EPHA6: variants seen among roughly 807,000 people sequenced by gnomAD.
EPHA6 encodes the protein ephrin type-A receptor 6.
A neutral mutation model predicts 112.0 loss-of-function variants in EPHA6; 50 were observed. The ratio of observed to expected loss-of-function variants is 0.45; its 90% confidence interval spans 0.36 to 0.56. EPHA6 has a LOEUF of 0.56. Ranked by LOEUF, EPHA6 falls within the 20% of genes least tolerant of loss-of-function variation. The probability of loss-of-function intolerance (pLI) is 0.00; values close to 1 mark genes in which losing one functional copy is unlikely to be tolerated. For missense variants in EPHA6, 1,280 were observed against 1,417.4 expected (o/e 0.90, Z 1.56); for synonymous variants, 529 against 490.7 (o/e 1.08, Z -1.03).
rs751425851 is a variant in EPHA6, at chr3:97,640,616, C to CAAA, written c.2784+2546_2784+2548dup. ...AGAAACCCCATCTCTACTAAAAATA[C>CAAA]AAAAAAAAAAAAAATTAGCCAGGCG... On this transcript the variant is annotated intron_variant, in intron 14 of 17. Coordinates refer to ENST00000389672, the MANE Select transcript of EPHA6 (RefSeq NM_001080448.3). Among the ~76,000 whole-genome samples, 18 of 133,984 alleles carry CAAA rather than the reference C, an allele frequency of 1.3e-4. No individual in the cohort carries two copies. The South Asian group carries it at 2.9e-3, about 21-fold the overall frequency. The allele number at this position is 133,984 out of a possible 152,430, so 87.9% of individuals were successfully genotyped here. A position where few individuals can be genotyped will look rare whatever the true frequency, so the allele number is the denominator to read the frequency against.
chr3:96,964,691 A>G (rs868107626), intron 2 of EPHA6, among the ~76,000 whole-genome samples: 29 of 152,292 alleles, frequency 1.9e-4, no homozygotes, highest in African/African-American at 6.5e-4. Context: ...TTACTACAAA[A>G]CATGCTCTGA....
chr3:97,655,654 G>T (rs1352017749), intron 14 of EPHA6, among the ~76,000 whole-genome samples: 3 of 151,080 alleles, frequency 2.0e-5, no homozygotes, highest in African/African-American at 7.3e-5. Flanking sequence ...GTAATGGGAT[G>T]GCTGGGTCAA....
chr3:97,532,881 G>T (rs1682084398), intron 11 of EPHA6, among the ~76,000 whole-genome samples: 1 of 151,784 alleles, frequency 6.6e-6, no homozygotes, highest in Non-Finnish European at 1.5e-5. Context: ...GGGTCATTAA[G>T]GTAAAATATT....
chr3:97,033,397 G>A lies in EPHA6; in HGVS notation c.1114+45404G>A, dbSNP rs142129610. On this transcript the variant is annotated intron_variant, in intron 3 of 17. Transcript: ENST00000389672. ...AGTGGTATAGGTGAGAAGCTGGTCA[G>A]TCGGTCAGCACGAGTAAAGAATGAA... Among the ~76,000 whole-genome samples the A allele has an allele frequency of 1.8e-4, 28 of 152,068 alleles. 1 individual carries two copies. Among genetic ancestry groups the A allele is most frequent in the African/African-American group, 6.7e-4 (28 of 41,528 alleles).
intron 3 of EPHA6, among the ~76,000 whole-genome samples, chr3:97,086,705 AATAG>A (rs1311502096): frequency 2.0e-5 from 3 of 152,124 alleles, no homozygotes; most frequent in Non-Finnish European, 2.9e-5. Context: ...TAAATGTTAA[AATAG>A]ATATTTACAT....
intron 2 of EPHA6, among the ~76,000 whole-genome samples, chr3:96,936,522 T>C (rs1040365447): frequency 6.6e-6 from 1 of 151,920 alleles, no homozygotes; most frequent in African/African-American, 2.4e-5. Flanking sequence ...TTTCTGTAAT[T>C]CTTTTTGTTC....
At chr3:97,186,212 TAA>T (rs10707202) in intron 3 of EPHA6, among the ~76,000 whole-genome samples, 1 of 151,450 alleles carries the variant, frequency 6.6e-6, no homozygotes, top group African/African-American at 2.4e-5. Flanking sequence ...TAAAGTATAA[TAA>T]AAAAAAATGT....
intron 5 of EPHA6, among the ~76,000 whole-genome samples, chr3:97,298,030 G>A (rs2080939761): frequency 6.6e-6 from 1 of 152,100 alleles, no homozygotes; most frequent in Non-Finnish European, 1.5e-5. Context: ...CCAAAGTGCT[G>A]GGATTACAGG....
chr3:97,315,405 T>C (rs1045877315), intron 5 of EPHA6, among the ~76,000 whole-genome samples: 1 of 151,718 alleles, frequency 6.6e-6, no homozygotes, highest in Non-Finnish European at 1.5e-5. Flanking sequence ...CTTAAATTTC[T>C]TGCCCCTCCC....
At chr3:97,152,877 C>G (rs1198724107) in intron 3 of EPHA6, among the ~76,000 whole-genome samples, 5 of 152,070 alleles carry the variant, frequency 3.3e-5, no homozygotes, top group African/African-American at 4.8e-5. Flanking sequence ...GTTAATTACT[C>G]TTATCCTATG....
chr3:97,172,661 T>C (rs2076733068), intron 3 of EPHA6, among the ~76,000 whole-genome samples: 3 of 151,940 alleles, frequency 2.0e-5, no homozygotes, highest in Admixed American at 1.3e-4. Context: ...AATATGTATC[T>C]GTAGGTTTGT....
chr3:97,594,030 C>T lies in EPHA6; in HGVS notation c.2512+1293C>T, dbSNP rs80195429. On this transcript the variant is annotated intron_variant, in intron 12 of 17. Transcript: ENST00000389672. ...GAAAAACTATATAAGCCAAGCTCTC[C>T]GAGTTAACTGCAAATATAAACATGT... Among the ~76,000 whole-genome samples the T allele has an allele frequency of 2.0e-3, 303 of 152,220 alleles. 2 individuals are homozygous for T. In the East Asian group the frequency reaches 0.031, roughly 16 times the overall value.
chr3:97,573,019 C>A (rs1450535515), intron 11 of EPHA6, among the ~76,000 whole-genome samples: 1 of 152,184 alleles, frequency 6.6e-6, no homozygotes, highest in Admixed American at 6.5e-5. Context: ...TACGTCTTAA[C>A]AAAATCCATA....
At chr3:97,094,380 A>G (rs1243607789) in intron 3 of EPHA6, among the ~76,000 whole-genome samples, 2 of 152,176 alleles carry the variant, frequency 1.3e-5, no homozygotes, top group Non-Finnish European at 2.9e-5. Flanking sequence ...AAAAGTAAAC[A>G]GTAACTTTTA....
At chr3:97,179,191 C>A (rs957584686) in intron 3 of EPHA6, among the ~76,000 whole-genome samples, 2 of 152,010 alleles carry the variant, frequency 1.3e-5, no homozygotes, top group Admixed American at 1.3e-4. Context: ...ATACCAATTA[C>A]ATTTTTCAGC....
At chr3:97,067,575 AG>A (rs1398842703) in intron 3 of EPHA6, among the ~76,000 whole-genome samples, 26 of 152,000 alleles carry the variant, frequency 1.7e-4, no homozygotes, top group African/African-American at 6.0e-4. Context: ...AAGCAATAGT[AG>A]GATAAAATAG....
At chr3:96,860,951 AAG>A (rs1282543221) in intron 1 of EPHA6, among the ~76,000 whole-genome samples, 1 of 151,936 alleles carries the variant, frequency 6.6e-6, no homozygotes, top group African/African-American at 2.4e-5. Flanking sequence ...TTTTATAGGA[AAG>A]CACAACTTTT....
intron 2 of EPHA6, among the ~76,000 whole-genome samples, chr3:96,882,377 G>A (rs540336084): frequency 2.0e-5 from 3 of 152,232 alleles, no homozygotes; most frequent in East Asian, 1.9e-4. Context: ...AAGTTATTGG[G>A]GTACAGGTGG....
Position 96,987,792 on chromosome 3 carries a change from G to C in EPHA6, c.913G>C (p.Val305Leu). 6.2e-7 allele frequency: 1 copy of C among 1,614,002 alleles called. No homozygotes were observed. Among genetic ancestry groups the C allele is most frequent in the Non-Finnish European group, 8.5e-7 (1 of 1,179,924 alleles). ...TTTCTACAAGAAATGCCCCTTCACTGTTCGTAACTTGGCCATGTTTCCTGA... is the reference window on the plus strand; with the variant it reads ...TTTCTACAAGAAATGCCCCTTCACTCTTCGTAACTTGGCCATGTTTCCTGA... ...RVFYKKCPFT[V>L]RNLAMFPDTI... The change falls in exon 3 of 18, where the codon GTT becomes CTT. Residue 305 changes from valine (V) to leucine (L), a missense_variant. Physicochemically the swap from Val to Leu is conservative, Grantham distance 32. Around this residue, in one of 4 missense-constraint regions of EPHA6, gnomAD observed 878 missense variants for 999.7 expected, o/e 0.88. Coordinates refer to ENST00000389672, the MANE Select transcript of EPHA6 (RefSeq NM_001080448.3).
Sources: gnomAD v4.1 joint callset for allele counts (sites outside exome capture counted in the v4.1 genomes callset) on GRCh38, gnomAD v4.1.1 for gene constraint, gnomAD v4.1.1 regional missense constraint, MANE v1.5 for transcripts, NCBI Gene and HGNC (gene_info 2026-07-23, HGNC 2026-07-21) for gene names.